RORB: variants seen among roughly 807,000 people sequenced by gnomAD.
RORB encodes nuclear receptor ROR-beta.
A neutral mutation model predicts 59.1 loss-of-function variants in RORB; 6 were observed. The ratio of observed to expected loss-of-function variants is 0.10; its 90% confidence interval spans 0.06 to 0.20. RORB has a LOEUF of 0.20. Among genes scored for constraint, RORB ranks in the 10% least tolerant of loss-of-function variants. RORB has a pLI of 1.00. For synonymous variants in RORB, 215 were observed against 204.5 expected (o/e 1.05, Z -0.44); for missense variants, 320 against 560.5 (o/e 0.57, Z 4.33).
Position 74,652,173 on chromosome 9 carries a change from G to A in RORB, c.638-8444G>A, listed in dbSNP as rs567282493. On this transcript the variant is annotated intron_variant, in intron 4 of 9. Transcript: ENST00000376896. ...GCGCGGTGGCTCACTTTGGGAGGCC[G>A]AGGCGGGCAGATCATCTGAGGCCAG... is the stretch of plus-strand genomic sequence containing the variant. 4.5e-4 allele frequency among the ~76,000 whole-genome samples: 68 copies of A among 152,278 alleles called. 1 individual carries two copies. The South Asian group carries it at 7.3e-3, about 16-fold the overall frequency.
chr9:74,682,586 G>A (rs1824564888), intron 9 of RORB, among the ~76,000 whole-genome samples: 3 of 152,080 alleles, frequency 2.0e-5, no homozygotes, highest in Non-Finnish European at 4.4e-5. Context: ...TAGTATTTGT[G>A]TGTCACAGGG....
At chr9:74,670,213 T>A (rs2118540611) in intron 8 of RORB, among the ~76,000 whole-genome samples, 1 of 152,314 alleles carries the variant, frequency 6.6e-6, no homozygotes, top group East Asian at 1.9e-4. Flanking sequence ...ATTTGATTAT[T>A]TCCATTGAGA....
At chr9:74,535,503 G>T (rs1035616096) in intron 1 of RORB, among the ~76,000 whole-genome samples, 1 of 151,778 alleles carries the variant, frequency 6.6e-6, no homozygotes, top group South Asian at 2.1e-4. Flanking sequence ...ACGCAATCAC[G>T]GGAGGCTTCT....
chr9:74,531,212 C>T (rs186969555), intron 1 of RORB, among the ~76,000 whole-genome samples: 47 of 152,042 alleles, frequency 3.1e-4, no homozygotes, highest in African/African-American at 1.1e-3. Context: ...AACTGATGGC[C>T]TAAACACTGG....
intron 9 of RORB, among the ~76,000 whole-genome samples, chr9:74,685,037 A>C (rs2118582387): frequency 6.6e-6 from 1 of 152,260 alleles, no homozygotes; most frequent in South Asian, 2.1e-4. Context: ...CCACACAACA[A>C]CCCAATGAAG....
intron 4 of RORB, among the ~76,000 whole-genome samples, chr9:74,648,485 T>C (rs1823936987): frequency 6.6e-6 from 1 of 152,206 alleles, no homozygotes; most frequent in Non-Finnish European, 1.5e-5. Context: ...TATAGCCACG[T>C]CACACAGATA....
At chr9:74,573,136 G>A (rs1822578086) in intron 1 of RORB, among the ~76,000 whole-genome samples, 2 of 152,092 alleles carry the variant, frequency 1.3e-5, no homozygotes, top group South Asian at 2.1e-4. Flanking sequence ...GTTTTCAAAC[G>A]TGTTTTTTTC....
At chr9:74,605,549 G>C (rs1040062890) in intron 1 of RORB, among the ~76,000 whole-genome samples, 1 of 152,210 alleles carries the variant, frequency 6.6e-6, no homozygotes, top group Non-Finnish European at 1.5e-5. Context: ...AGAGGAAAAG[G>C]CTTCTGTAAT....
chr9:74,624,387 G>A (rs185312439), intron 1 of RORB, among the ~76,000 whole-genome samples: 16 of 152,312 alleles, frequency 1.1e-4, no homozygotes, highest in African/African-American at 3.8e-4. Flanking sequence ...AGCTGATGTT[G>A]AGATGCACTC....
chr9:74,625,151 C>T (rs1165270514), intron 1 of RORB, among the ~76,000 whole-genome samples: 2 of 152,214 alleles, frequency 1.3e-5, no homozygotes, highest in African/African-American at 4.8e-5. Context: ...TGGCCTGTCC[C>T]TGGGTTTTTC....
chr9:74,653,310 T>G lies in RORB; in HGVS notation c.638-7307T>G, dbSNP rs140124458. The stretch of plus-strand genomic sequence containing the variant: ...TCCTGCCACTAATTCACAGTGAATC[T>G]CCTAAGAATTCCATTTTCGCACTAG... On this transcript the variant is annotated intron_variant, in intron 4 of 9. Transcript: ENST00000376896. Among the ~76,000 whole-genome samples, 923 of 152,288 alleles carry G rather than the reference T, an allele frequency of 6.1e-3. 13 individuals carry two copies. Among genetic ancestry groups the G allele is most frequent in the African/African-American group, 0.021 (887 of 41,562 alleles).
intron 1 of RORB, among the ~76,000 whole-genome samples, chr9:74,499,393 C>A (rs1056937043): frequency 2.0e-5 from 3 of 152,152 alleles, no homozygotes; most frequent in African/African-American, 7.2e-5. Flanking sequence ...CCCGGTGAGC[C>A]CCGAGCCTGG....
intron 1 of RORB, among the ~76,000 whole-genome samples, chr9:74,520,764 T>C (rs184655642): frequency 1.3e-5 from 2 of 151,986 alleles, no homozygotes; most frequent in East Asian, 3.9e-4. Flanking sequence ...ATTGTGAACC[T>C]GCCTGTGGTT....
chr9:74,619,199 C>G (rs1823365299), intron 1 of RORB, among the ~76,000 whole-genome samples: 1 of 152,076 alleles, frequency 6.6e-6, no homozygotes, highest in Non-Finnish European at 1.5e-5. Flanking sequence ...TGCCCTTTCC[C>G]ATTGCTATTT....
Position 74,533,387 on chromosome 9 carries a change from A to G in RORB, c.7+35404A>G, listed in dbSNP as rs552650717. ...ATATGATGAGATCTACATTTTTGAA[A>G]TGTTCTGTAAAATGTCCTGAAAAAT... On this transcript the variant is annotated intron_variant, in intron 1 of 9. Coordinates refer to ENST00000376896, the MANE Select transcript of RORB (RefSeq NM_006914.4). Among the ~76,000 whole-genome samples the G allele has an allele frequency of 2.0e-5, 3 of 152,084 alleles. 1 individual carries two copies. In the South Asian group the frequency reaches 6.2e-4, roughly 32 times the overall value.
At chr9:74,663,691 G>A (rs1346502542) in intron 6 of RORB, among the ~76,000 whole-genome samples, 2 of 152,142 alleles carry the variant, frequency 1.3e-5, no homozygotes, top group Non-Finnish European at 2.9e-5. Context: ...TCAGCTGAGG[G>A]CAAAGGAATC....
At chr9:74,557,102 CG>C (rs1822305991) in intron 1 of RORB, among the ~76,000 whole-genome samples, 1 of 152,160 alleles carries the variant, frequency 6.6e-6, no homozygotes, top group East Asian at 1.9e-4. Context: ...TCATAAGACA[CG>C]GGTGAAGTTG....
intron 1 of RORB, among the ~76,000 whole-genome samples, chr9:74,507,957 C>T (rs189230215): frequency 6.6e-6 from 1 of 151,778 alleles, no homozygotes; most frequent in Non-Finnish European, 1.5e-5. Context: ...TCCTTCTTGG[C>T]AATACTTTAT....
intron 6 of RORB, among the ~76,000 whole-genome samples, chr9:74,664,724 A>G (rs1319077536): frequency 6.6e-6 from 1 of 152,250 alleles, no homozygotes; most frequent in African/African-American, 2.4e-5. Flanking sequence ...AAACAGAGAC[A>G]TAAAGATAAA....
Sources: gnomAD v4.1 joint callset for allele counts (sites outside exome capture counted in the v4.1 genomes callset) on GRCh38, gnomAD v4.1.1 for gene constraint, MANE v1.5 for transcripts, NCBI Gene and HGNC (gene_info 2026-07-23, HGNC 2026-07-21) for gene names.